EPHX2: variants seen among roughly 807,000 people sequenced by gnomAD.
EPHX2 encodes bifunctional epoxide hydrolase 2.
A neutral mutation model predicts 78.7 loss-of-function variants in EPHX2; 74 were observed. That is an observed-to-expected ratio of 0.94 (90% CI 0.78 to 1.14). The LOEUF (loss-of-function observed/expected upper bound fraction) is 1.14. Ranked by LOEUF, EPHX2 falls within the 50% of genes most tolerant of loss-of-function variation. The probability of loss-of-function intolerance (pLI) is 0.00; values close to 1 mark genes in which losing one functional copy is unlikely to be tolerated. For synonymous variants in EPHX2, 251 were observed against 255.2 expected (o/e 0.98, Z 0.16); for missense variants, 715 against 702.5 (o/e 1.02, Z -0.20).
At chr8:27,499,336 G>A (rs1813684176) in intron 1 of EPHX2, among the ~76,000 whole-genome samples, 4 of 152,142 alleles carry the variant, frequency 2.6e-5, no homozygotes, top group Admixed American at 2.6e-4. Context: ...TAACAAAGCT[G>A]TTTAAAAAAC....
downstream of EPHX2, among the ~76,000 whole-genome samples, chr8:27,546,934 A>G (rs768946117): frequency 2.0e-5 from 3 of 152,160 alleles, no homozygotes; most frequent in Non-Finnish European, 2.9e-5. Flanking sequence ...GAAAACTTAC[A>G]ATCATGGCAG....
At chr8:27,520,962 T>C (rs2132756173) in intron 10 of EPHX2, 53 bp downstream of exon 10, 1 of 1,610,798 alleles carries the variant, frequency 6.2e-7, no homozygotes, top group Non-Finnish European at 8.5e-7. Flanking sequence ...GGGGCCTGGG[T>C]AATTAAAGAA....
chr8:27,528,170 GGTT>G (rs1395003084), intron 12 of EPHX2, among the ~76,000 whole-genome samples: 5 of 152,226 alleles, frequency 3.3e-5, no homozygotes, highest in African/African-American at 1.2e-4. Flanking sequence ...TTGTTTCAAA[GGTT>G]GTTAACAGTT....
At chr8:27,512,095 C>CAAA in intron 6 of EPHX2, 185 bp downstream of exon 6, 1 of 279,724 alleles carries the variant, frequency 3.6e-6, no homozygotes, top group Non-Finnish European at 6.4e-6. Context: ...GAAACCCTGT[C>CAAA]TCAAGAAAAA....
At chr8:27,543,345 T>A (rs1454276716) in intron 16 of EPHX2, among the ~76,000 whole-genome samples, 1 of 152,172 alleles carries the variant, frequency 6.6e-6, no homozygotes, top group Non-Finnish European at 1.5e-5. Context: ...GTTACTTTGC[T>A]GCCATTCATG....
At position 27,503,783 on chromosome 8, in the gene EPHX2, C is replaced by T. The variant is rs1203563471; in HGVS notation, c.346+20C>T. 1.2e-6 allele frequency: 2 copies of T among 1,603,198 alleles called. No homozygotes were observed. Among genetic ancestry groups the T allele is most frequent in the African/African-American group, 2.7e-5 (2 of 74,696 alleles). On this transcript the variant is annotated intron_variant, in intron 3 of 18. Transcript: ENST00000521400. Reference sequence around the variant, plus strand: ...AGAAAGGTAAGGATCTGATACTGGCCAATCTCAGGCCGAACCACCCAGAAC... The same window carrying T: ...AGAAAGGTAAGGATCTGATACTGGCTAATCTCAGGCCGAACCACCCAGAAC...
chr8:27,542,025 G>T (rs542647751), intron 16 of EPHX2, among the ~76,000 whole-genome samples: 1 of 152,168 alleles, frequency 6.6e-6, no homozygotes, highest in East Asian at 1.9e-4. Flanking sequence ...CTCTGGGTCT[G>T]CAGAAGGAGT....
At chr8:27,539,000 C>T in intron 14 of EPHX2, 2 of 360,746 alleles carry the variant, frequency 5.5e-6, no homozygotes, top group Non-Finnish European at 5.1e-6. Context: ...TGAGAGCTTA[C>T]CTCTATGGGG....
chr8:27,530,706 G>T (rs1024529915), intron 12 of EPHX2, among the ~76,000 whole-genome samples: 1 of 151,460 alleles, frequency 6.6e-6, no homozygotes, highest in Admixed American at 6.6e-5. Flanking sequence ...AAAAGAAAGT[G>T]CCACTGTTTG....
intron 1 of EPHX2, among the ~76,000 whole-genome samples, chr8:27,498,292 C>T (rs903135897): frequency 2.0e-5 from 3 of 152,116 alleles, no homozygotes; most frequent in Non-Finnish European, 4.4e-5. Context: ...TGCTTGTTTC[C>T]TTCTGAGTGG....
At chr8:27,508,587 G>C (rs890807001) in intron 5 of EPHX2, among the ~76,000 whole-genome samples, 1 of 152,132 alleles carries the variant, frequency 6.6e-6, no homozygotes, top group Admixed American at 6.5e-5. Flanking sequence ...CAGCATACCT[G>C]AGCCACAGAT....
chr8:27,512,924 C>T (rs1022428140), intron 6 of EPHX2, among the ~76,000 whole-genome samples: 1 of 152,212 alleles, frequency 6.6e-6, no homozygotes, highest in Non-Finnish European at 1.5e-5. Context: ...CCAACAGCCA[C>T]GTACTCCATA....
rs772415390 is a variant in EPHX2 at position 27,536,820 on chromosome 8, C to G, written c.1207C>G (p.Arg403Gly). 1.2e-6 allele frequency: 2 copies of G among 1,612,610 alleles called. No homozygotes were observed. Among genetic ancestry groups the G allele is most frequent in the African/African-American group, 1.3e-5 (1 of 74,358 alleles). ...AEAELEQNLS[R>G]TFKSLFRASD... ...GGCTGAACTGGAACAGAACCTGAGT[C>G]GGACTTTCAAAAGCCTCTTCAGAGC... is the stretch of plus-strand genomic sequence containing the variant. The change falls in exon 13 of 19, where the codon CGG (arginine) becomes GGG (glycine). Residue 403 changes from arginine (R) to glycine (G), a missense_variant. Transcript: ENST00000521400.
intron 13 of EPHX2, among the ~76,000 whole-genome samples, chr8:27,537,619 G>GT (rs1044224580): frequency 8.6e-5 from 13 of 151,978 alleles, no homozygotes; most frequent in African/African-American, 2.2e-4. Flanking sequence ...TCAATAAATA[G>GT]TTTTTTTTAA....
rs2132812464 is a variant in EPHX2 at position 27,545,070 on chromosome 8, AT to A, written c.*549del. ...GCCGTGCTGGCCAGGAGACAATCCT[AT>A]GGGGATGGCAGTGGTGTCTTGTGCT... is the stretch of plus-strand genomic sequence containing the variant. On this transcript the variant is annotated 3_prime_UTR_variant, in exon 19 of 19. Coordinates refer to ENST00000521400, the MANE Select transcript of EPHX2 (RefSeq NM_001979.6). The A allele has an allele frequency of 6.4e-6, 1 of 155,790 alleles. No homozygotes were observed. Among genetic ancestry groups the A allele is most frequent in the South Asian group, 2.0e-4 (1 of 5,066 alleles). 9.7% of individuals were successfully genotyped at this position (155,790 alleles called of 1,614,324 possible).
chr8:27,538,775 A>C, intron 14 of EPHX2, 83 bp downstream of exon 14: 1 of 1,478,560 alleles, frequency 6.8e-7, no homozygotes, highest in Non-Finnish European at 9.4e-7. Context: ...CTATGGGCAG[A>C]AGCCCTGAGC....
downstream of EPHX2, among the ~76,000 whole-genome samples, chr8:27,546,796 G>A (rs1204892612): frequency 1.3e-5 from 2 of 152,186 alleles, no homozygotes. Flanking sequence ...ACAAGATTGA[G>A]GGCTGTATCG....
At position 27,510,770 on chromosome 8, in the gene EPHX2, A is replaced by G. The variant is rs147775449; in HGVS notation, c.661-1066A>G. Reference sequence around the variant, plus strand: ...GGAGTTCGAGGCCAGCCTGGGCAACATAGTAAGATCCTGTCTTTAAAAAAA... The same window carrying G: ...GGAGTTCGAGGCCAGCCTGGGCAACGTAGTAAGATCCTGTCTTTAAAAAAA... On this transcript the variant is annotated intron_variant, in intron 5 of 18. Coordinates refer to ENST00000521400, the MANE Select transcript of EPHX2 (RefSeq NM_001979.6). Among the ~76,000 whole-genome samples, 936 of 152,020 alleles carry G rather than the reference A, an allele frequency of 6.2e-3. 11 individuals are homozygous for G. The highest frequency in any genetic ancestry group is 0.021 in the African/African-American group (886 of 41,464).
At chr8:27,506,292 A>G (rs1316011164) in intron 4 of EPHX2, among the ~76,000 whole-genome samples, 1 of 152,144 alleles carries the variant, frequency 6.6e-6, no homozygotes, top group African/African-American at 2.4e-5. Context: ...CACTTTCTTT[A>G]TTACTACATA....
Sources: allele counts gnomAD v4.1 joint callset (sites outside exome capture counted in the v4.1 genomes callset), GRCh38; gene constraint gnomAD v4.1.1; transcripts MANE v1.5; gene names NCBI Gene and HGNC (gene_info 2026-07-23, HGNC 2026-07-21).